The following ERICH5 variants were observed in gnomAD, a reference collection of about 807,000 sequenced individuals.
ERICH5 encodes the protein glutamate-rich protein 5.
In ERICH5, 24 loss-of-function variants were observed where a neutral mutation model predicts 28.0. That is an observed-to-expected ratio of 0.86 (90% confidence interval 0.62 to 1.21). The LOEUF (loss-of-function observed/expected upper bound fraction) is 1.21, where lower values mean the gene tolerates loss of function less well. Among genes scored for constraint, ERICH5 ranks in the 50% most tolerant of loss-of-function variants. ERICH5 has a pLI of 0.00. For missense variants in ERICH5, 421 were observed against 441.2 expected, an observed-to-expected ratio of 0.95 and a Z score of 0.41; for synonymous variants, 163 against 157.6, an observed-to-expected ratio of 1.03 and a Z score of -0.25.
chr8:98,064,585 CGCGGCTACGGGT>C lies in ERICH5; in HGVS notation c.-82_-71del. ...CGGGCTGCAGAGCTGGAGAAACTTC[CGCGGCTACGGGT>C]GCAGTTGCCTTCGGTTCCCGGTTCC... On this transcript the variant is annotated 5_prime_UTR_variant, in exon 1 of 3. Coordinates refer to ENST00000318528, the MANE Select transcript of ERICH5 (RefSeq NM_173549.3). The C allele has an allele frequency of 2.5e-6, 3 of 1,221,756 alleles. No individual in the cohort carries two copies. Among genetic ancestry groups the C allele is most frequent in the Non-Finnish European group, 3.3e-6 (3 of 899,006 alleles). The allele number at this position is 1,221,756 out of a possible 1,614,324, so 75.7% of individuals were successfully genotyped here.
chr8:98,086,925 T>C (rs965509852), intron 1 of ERICH5, among the ~76,000 whole-genome samples: 14 of 129,948 alleles, frequency 1.1e-4, no homozygotes, highest in Non-Finnish European at 1.5e-4. Flanking sequence ...CACTCCAACC[T>C]GGGCAACAGA....
At position 98,078,456 on chromosome 8, in the gene ERICH5, C is replaced by A. The variant is rs926304467; in HGVS notation, c.59-10620C>A. 4.1e-4 allele frequency among the ~76,000 whole-genome samples: 63 copies of A among 152,218 alleles called. 1 individual carries two copies. The highest frequency in any genetic ancestry group is 1.5e-3 in the African/African-American group (61 of 41,522). On this transcript the variant is annotated intron_variant, in intron 1 of 2. Coordinates refer to ENST00000318528, the MANE Select transcript of ERICH5 (RefSeq NM_173549.3). ...TCGCTCAAAAACCCAGCAGACAGGC[C>A]AGTGAAGTCTTTAGGATGTCTGATA... is the stretch of plus-strand genomic sequence containing the variant.
In ERICH5 at chr8:98,093,331, T is replaced by C. The variant is rs776439908; in HGVS notation, c.1123T>C (p.Ter375GlnextTer4). 3.1e-6 allele frequency: 5 copies of C among 1,609,664 alleles called. No individual in the cohort carries two copies. The Admixed American group carries it at 6.7e-5, about 21-fold the overall frequency. The change falls in exon 3 of 3, where the codon TAG becomes CAG. Residue 375 changes from the stop codon to glutamine (Q), a stop_lost. Coordinates refer to ENST00000318528, the MANE Select transcript of ERICH5 (RefSeq NM_173549.3). ...AGTGGTGGACCTTTCAGCAGCCACA[T>C]AGATAGAAGAGTGAACCGACACAGT... is the stretch of plus-strand genomic sequence containing the variant. ...GEVVDLSAAT* is the reference protein window; with the variant it reads ...GEVVDLSAATQ
At chr8:98,075,599 T>C (rs80005018) in intron 1 of ERICH5, among the ~76,000 whole-genome samples, 3,121 of 152,102 alleles carry the variant, frequency 0.021, 111 homozygotes, top group African/African-American at 0.071. Context: ...GGAAAGACCT[T>C]AGATCTTTCT....
At chr8:98,068,170 T>C (rs1171253798) in intron 1 of ERICH5, among the ~76,000 whole-genome samples, 2 of 152,112 alleles carry the variant, frequency 1.3e-5, no homozygotes, top group African/African-American at 4.8e-5. Flanking sequence ...GTTATAAATT[T>C]AAATCAGACA....
At chr8:98,079,692 A>G (rs1400994951) in intron 1 of ERICH5, among the ~76,000 whole-genome samples, 1 of 152,040 alleles carries the variant, frequency 6.6e-6, no homozygotes, top group East Asian at 1.9e-4. Flanking sequence ...AGCATCCACC[A>G]CCAGCCCGGC....
At position 98,093,495 on chromosome 8, in the gene ERICH5, G is replaced by A. The variant is rs943994204; in HGVS notation, c.*162G>A. On this transcript the variant is annotated 3_prime_UTR_variant, in exon 3 of 3. Coordinates refer to ENST00000318528, the MANE Select transcript of ERICH5 (RefSeq NM_173549.3). ...ATGAGAAGGATGTTTCTGTGTTCTT[G>A]ATTATATTGTTCTGCAAAACTGCTA... 8.0e-6 allele frequency: 4 copies of A among 500,188 alleles called. No individual in the cohort carries two copies. The highest frequency in any genetic ancestry group is 1.4e-5 in the Non-Finnish European group (4 of 283,828). The allele number at this position is 500,188 out of a possible 1,614,324, so 31.0% of individuals were successfully genotyped here. A position where few individuals can be genotyped will look rare whatever the true frequency, so the allele number is the denominator to read the frequency against.
intron 1 of ERICH5, among the ~76,000 whole-genome samples, chr8:98,080,353 T>C (rs1815157301): frequency 6.6e-6 from 1 of 152,160 alleles, no homozygotes; most frequent in Non-Finnish European, 1.5e-5. Context: ...TCACACCCAG[T>C]GCTAGAACAG....
In ERICH5 at chr8:98,089,263, G is replaced by A; in HGVS notation, c.246G>A (p.Gln82=). 6.2e-7 allele frequency: 1 copy of A among 1,614,198 alleles called. No individual in the cohort carries two copies. The highest frequency in any genetic ancestry group is 8.5e-7 in the Non-Finnish European group (1 of 1,180,038). ...TANGVKPLQE[Q]PLAKDVAPGR... ...ATGGTGTTAAACCCCTCCAAGAACA[G>A]CCCCTGGCCAAGGACGTAGCCCCTG... is the stretch of plus-strand genomic sequence containing the variant. The change falls in exon 2 of 3, where the codon CAG becomes CAA. Residue 82 remains glutamine, a synonymous_variant. Transcript: ENST00000318528.
At chr8:98,077,914 T>C (rs1020942550) in intron 1 of ERICH5, among the ~76,000 whole-genome samples, 1 of 152,204 alleles carries the variant, frequency 6.6e-6, no homozygotes, top group African/African-American at 2.4e-5. Flanking sequence ...AAGTTTATCA[T>C]CCAACTTCAT....
In ERICH5 at chr8:98,089,678, A is replaced by G. The variant is rs544841683; in HGVS notation, c.661A>G (p.Ile221Val). The G allele has an allele frequency of 6.2e-7, 1 of 1,614,164 alleles. No homozygotes were observed. Among genetic ancestry groups the G allele is most frequent in the Non-Finnish European group, 8.5e-7 (1 of 1,180,032 alleles). ...TGAGCAGGCCCCGCTTCTAGAAACA[A>G]TTTCCAAAGAGAATGAATCTCCAGA... The part of the protein sequence containing the change: ...KDEQAPLLET[I>V]SKENESPEIL... The change falls in exon 2 of 3, where the codon ATT becomes GTT. Residue 221 changes from isoleucine (I) to valine (V), a missense_variant. Transcript: ENST00000318528.
At chr8:98,076,458 A>C (rs968340452) in intron 1 of ERICH5, among the ~76,000 whole-genome samples, 2 of 151,554 alleles carry the variant, frequency 1.3e-5, no homozygotes, top group Admixed American at 1.3e-4. Flanking sequence ...AATTCTGTGA[A>C]GTGAAGGAAG....
intron 1 of ERICH5, among the ~76,000 whole-genome samples, chr8:98,075,244 A>G (rs1054768202): frequency 6.6e-6 from 1 of 152,132 alleles, no homozygotes; most frequent in Non-Finnish European, 1.5e-5. Flanking sequence ...GCAGATTTTT[A>G]TTTTCTGTTC....
At chr8:98,084,156 T>G (rs569212793) in intron 1 of ERICH5, among the ~76,000 whole-genome samples, 4 of 152,138 alleles carry the variant, frequency 2.6e-5, no homozygotes, top group Admixed American at 2.6e-4. Flanking sequence ...CCCAAAGTGC[T>G]GGGATTACAG....
intron 2 of ERICH5, among the ~76,000 whole-genome samples, chr8:98,091,041 G>A (rs751294978): frequency 9.9e-5 from 15 of 152,040 alleles, no homozygotes; most frequent in African/African-American, 1.4e-4. Flanking sequence ...GCGTTCAAGC[G>A]ATTCTCCCGC....
chr8:98,073,832 TGCACCCA>T (rs1413061064), intron 1 of ERICH5, among the ~76,000 whole-genome samples: 1 of 149,648 alleles, frequency 6.7e-6, no homozygotes, highest in African/African-American at 2.5e-5. Context: ...TGTGAGCCAC[TGCACCCA>T]GCTTTTTGTG....
At position 98,064,618 on chromosome 8, in the gene ERICH5, G is replaced by C; in HGVS notation, c.-52G>C. 4 of 1,451,692 alleles carry C rather than the reference G, an allele frequency of 2.8e-6. No individual in the cohort carries two copies. In the South Asian group the frequency reaches 4.0e-5, roughly 14 times the overall value. 89.9% of individuals were successfully genotyped at this position (1,451,692 alleles called of 1,614,324 possible). On this transcript the variant is annotated 5_prime_UTR_variant, in exon 1 of 3. Transcript: ENST00000318528. Reference sequence around the variant, plus strand: ...CGGGTGCAGTTGCCTTCGGTTCCCGGTTCCGGGCCGACACCCGCGCAGGGC... The same window carrying C: ...CGGGTGCAGTTGCCTTCGGTTCCCGCTTCCGGGCCGACACCCGCGCAGGGC...
At chr8:98,076,251 A>C (rs1181420199) in intron 1 of ERICH5, among the ~76,000 whole-genome samples, 1 of 151,698 alleles carries the variant, frequency 6.6e-6, no homozygotes. Flanking sequence ...ACGGGATTTC[A>C]CTATGTTGGC....
At chr8:98,085,255 G>C (rs1014404377) in intron 1 of ERICH5, among the ~76,000 whole-genome samples, 1 of 134,544 alleles carries the variant, frequency 7.4e-6, no homozygotes, top group Non-Finnish European at 1.5e-5. Context: ...CCGCCTCCCA[G>C]TTTCACGCCA....
Sources: gnomAD v4.1 joint callset for allele counts (sites outside exome capture counted in the v4.1 genomes callset) on GRCh38, gnomAD v4.1.1 for gene constraint, MANE v1.5 for transcripts, NCBI Gene and HGNC (gene_info 2026-07-23, HGNC 2026-07-21) for gene names.